The following UTY variants were observed in gnomAD, a reference collection of about 807,000 sequenced individuals.
UTY encodes ubiquitously transcribed tetratricopeptide repeat containing, Y-linked.
A neutral mutation model predicts 32.5 loss-of-function variants in UTY; 12 were observed. The observed-to-expected ratio is 0.37, with a 90% CI of 0.24 to 0.60. UTY has a LOEUF of 0.60. UTY is among the 20% of genes least tolerant of loss of function. UTY has a pLI of 0.69. For synonymous variants in UTY, 131 were observed against 103.4 expected (o/e 1.27, Z -1.62); for missense variants, 303 against 299.2 (o/e 1.01, Z -0.09).
At chrY:13,387,914 G>C in intron 8 of UTY, among the ~76,000 whole-genome samples, 1 of 33,756 alleles carries the variant, frequency 3.0e-5, no homozygotes, top group South Asian at 6.5e-4. Flanking sequence ...TGTTCTGCTA[G>C]GAAAAAGCTT....
intron 28 of UTY, among the ~76,000 whole-genome samples, chrY:13,252,406 T>C: frequency 3.0e-5 from 1 of 33,209 alleles, no homozygotes; most frequent in Admixed American, 2.7e-4. Flanking sequence ...CATCTCCCTT[T>C]TTTTTACATT....
intron 3 of UTY, among the ~76,000 whole-genome samples, chrY:13,464,832 C>A (rs891051063): frequency 6.0e-5 from 2 of 33,443 alleles, no homozygotes; most frequent in Non-Finnish European, 7.4e-5. Flanking sequence ...GTAATCCCAG[C>A]ACTTGGGAGG....
downstream of UTY, among the ~76,000 whole-genome samples, chrY:13,243,381 C>A: frequency 3.0e-5 from 1 of 32,980 alleles, no homozygotes; most frequent in Non-Finnish European, 7.5e-5. Flanking sequence ...AGGGAAAACA[C>A]TACAGAACAC....
At chrY:13,399,118 G>C in intron 6 of UTY, among the ~76,000 whole-genome samples, 1 of 33,348 alleles carries the variant, frequency 3.0e-5, no homozygotes, top group African/African-American at 1.2e-4. Flanking sequence ...GGAATGGGAA[G>C]CTTCTGCCAG....
intron 27 of UTY, among the ~76,000 whole-genome samples, chrY:13,279,962 T>A: frequency 8.8e-5 from 3 of 34,135 alleles, no homozygotes; most frequent in Admixed American, 2.6e-4. Flanking sequence ...ATAGCAGAAT[T>A]GATCAGAAGA....
intron 17 of UTY, among the ~76,000 whole-genome samples, chrY:13,336,574 C>A: frequency 3.0e-5 from 1 of 33,315 alleles, no homozygotes; most frequent in Non-Finnish European, 7.4e-5. Flanking sequence ...AATATGTGAA[C>A]AATTTTCTTC....
chrY:13,330,936 T>C (rs2060643420), intron 18 of UTY, among the ~76,000 whole-genome samples: 1 of 33,430 alleles, frequency 3.0e-5, no homozygotes, highest in Non-Finnish European at 7.4e-5. Context: ...GGGGCCAGAC[T>C]GCCTCTCAAG....
chrY:13,401,123 T>C, intron 6 of UTY, among the ~76,000 whole-genome samples: 1 of 33,062 alleles, frequency 3.0e-5, no homozygotes, highest in Non-Finnish European at 7.5e-5. Context: ...ATCAGAAGAG[T>C]GGGTTCCTTA....
At chrY:13,419,528 G>C in intron 4 of UTY, among the ~76,000 whole-genome samples, 2 of 34,439 alleles carry the variant, frequency 5.8e-5, no homozygotes, top group African/African-American at 2.3e-4. Context: ...TACATTTAAT[G>C]CACCTAATCT....
intron 4 of UTY, among the ~76,000 whole-genome samples, chrY:13,446,611 T>TAGACAGAC (rs1454640509): frequency 9.7e-4 from 16 of 16,413 alleles, no homozygotes; most frequent in South Asian, 1.8e-3. Context: ...GATAGATAGA[T>TAGACAGAC]AGATAGATAG....
intron 28 of UTY, among the ~76,000 whole-genome samples, chrY:13,242,982 A>G: frequency 3.0e-5 from 1 of 33,315 alleles, no homozygotes; most frequent in Admixed American, 2.7e-4. Flanking sequence ...ACAGAGTGCA[A>G]TCCTAGCACT....
intron 15 of UTY, among the ~76,000 whole-genome samples, chrY:13,356,525 G>A: frequency 6.8e-5 from 2 of 29,619 alleles, no homozygotes; most frequent in African/African-American, 1.3e-4. Flanking sequence ...GTGGAAAGGC[G>A]TGGTGCCTCA....
chrY:13,405,841 T>C, intron 6 of UTY, among the ~76,000 whole-genome samples: 1 of 33,351 alleles, frequency 3.0e-5, no homozygotes, highest in African/African-American at 1.2e-4. Flanking sequence ...AGTTGTTTGT[T>C]ATATGCATTT....
chrY:13,386,092 ATTTTTTTTTTTTT>A, intron 8 of UTY, among the ~76,000 whole-genome samples: 1 of 16,475 alleles, frequency 6.1e-5, no homozygotes, highest in Non-Finnish European at 1.4e-4. Flanking sequence ...AGTCTATTTC[ATTTTTTTTTTTTT>A]TTTTTTTTTT....
At chrY:13,304,366 G>A (rs2058544748) in intron 24 of UTY, among the ~76,000 whole-genome samples, 3 of 33,196 alleles carry the variant, frequency 9.0e-5, no homozygotes, top group African/African-American at 2.3e-4. Context: ...AATTACAGCA[G>A]CATTTTCCAA....
At chrY:13,315,022 A>C in intron 21 of UTY, among the ~76,000 whole-genome samples, 1 of 34,043 alleles carries the variant, frequency 2.9e-5, no homozygotes, top group South Asian at 6.5e-4. Context: ...GTCGTCCTTT[A>C]AAAAGTTCAG....
chrY:13,292,824 T>A, intron 27 of UTY, among the ~76,000 whole-genome samples: 1 of 33,585 alleles, frequency 3.0e-5, no homozygotes, highest in African/African-American at 1.2e-4. Flanking sequence ...ATAATATCAA[T>A]GGCAGACAAA....
chrY:13,458,236 G>T, intron 3 of UTY, among the ~76,000 whole-genome samples: 1 of 33,503 alleles, frequency 3.0e-5, no homozygotes, highest in Non-Finnish European at 7.4e-5. Context: ...GTGTGCATGT[G>T]TCTTTATAGC....
chrY:13,360,654 G>A, intron 10 of UTY, 126 bp from the exon 11 acceptor site: 1 of 143,144 alleles, frequency 7.0e-6, no homozygotes. Flanking sequence ...GATTACTGAT[G>A]TACTTTATGA....
Sources: gnomAD v4.1 joint callset for allele counts (sites outside exome capture counted in the v4.1 genomes callset) on GRCh38, gnomAD v4.1.1 for gene constraint, MANE v1.5 for transcripts, NCBI Gene and HGNC (gene_info 2026-07-23, HGNC 2026-07-21) for gene names.